NHSL1: variants seen among roughly 807,000 people sequenced by gnomAD.
NHSL1 encodes the protein NHS like 1.
NHSL1 carries 48 observed loss-of-function variants against 95.0 expected under a neutral mutation model. That is an observed-to-expected ratio of 0.51 (90% CI 0.40 to 0.64). The LOEUF (loss-of-function observed/expected upper bound fraction) is 0.64. NHSL1 is among the 30% of genes least tolerant of loss of function. The probability of loss-of-function intolerance (pLI) is 0.00; values close to 1 mark genes in which losing one functional copy is unlikely to be tolerated. For missense variants in NHSL1, 1,971 were observed against 2,077.7 expected (o/e 0.95, Z 1.00); for synonymous variants, 783 against 833.9 (o/e 0.94, Z 1.05).
chr6:138,514,737 G>GGGAGAC (rs1023134132), intron 1 of NHSL1, among the ~76,000 whole-genome samples: 6 of 152,092 alleles, frequency 3.9e-5, no homozygotes, highest in South Asian at 2.1e-4. Flanking sequence ...GGGGAACATA[G>GGGAGAC]GGAGACTCTG....
chr6:138,686,554 T>C (rs1785587001), intron 1 of NHSL1, among the ~76,000 whole-genome samples: 1 of 152,342 alleles, frequency 6.6e-6, no homozygotes, highest in East Asian at 1.9e-4. Flanking sequence ...ATTTATTTTG[T>C]CAAAATAAAT....
At chr6:138,531,846 C>T (rs976633874) in intron 1 of NHSL1, among the ~76,000 whole-genome samples, 1 of 152,082 alleles carries the variant, frequency 6.6e-6, no homozygotes, top group Non-Finnish European at 1.5e-5. Context: ...AGATGATACA[C>T]CAGAATTTTC....
intron 1 of NHSL1, among the ~76,000 whole-genome samples, chr6:138,591,474 T>C (rs1044714939): frequency 6.6e-6 from 1 of 152,146 alleles, no homozygotes; most frequent in Non-Finnish European, 1.5e-5. Flanking sequence ...AGTGCAGTGG[T>C]GTGTTGATCA....
chr6:138,600,448 A>G (rs999491383), intron 1 of NHSL1, among the ~76,000 whole-genome samples: 1 of 152,298 alleles, frequency 6.6e-6, no homozygotes, highest in Non-Finnish European at 1.5e-5. Flanking sequence ...GTTTATCAGC[A>G]CTGTAAAGGG....
chr6:138,515,000 G>A (rs1781400408), intron 1 of NHSL1, among the ~76,000 whole-genome samples: 1 of 151,868 alleles, frequency 6.6e-6, no homozygotes, highest in Non-Finnish European at 1.5e-5. Flanking sequence ...AAAAAAAAGT[G>A]TCTACATGAT....
intron 1 of NHSL1, among the ~76,000 whole-genome samples, chr6:138,633,560 T>C (rs184765951): frequency 2.9e-4 from 44 of 152,324 alleles, no homozygotes; most frequent in African/African-American, 1.1e-3. Flanking sequence ...AAAAAACTTT[T>C]ACCCTAGAAT....
chr6:138,664,270 G>T (rs912241621), intron 1 of NHSL1, among the ~76,000 whole-genome samples: 10 of 152,176 alleles, frequency 6.6e-5, no homozygotes, highest in African/African-American at 2.4e-4. Flanking sequence ...TTAAGAGTTA[G>T]ATCAGAGCTA....
intron 1 of NHSL1, among the ~76,000 whole-genome samples, chr6:138,608,247 C>T (rs768592309): frequency 1.4e-4 from 22 of 152,332 alleles, no homozygotes; most frequent in Middle Eastern, 3.4e-3. Flanking sequence ...CTTTGAATGA[C>T]ATGTTTCTCA....
chr6:138,465,724 C>CTT lies in NHSL1; in HGVS notation c.339+7580_339+7581dup, dbSNP rs61271607. Among the ~76,000 whole-genome samples, 78 of 132,818 alleles carry CTT rather than the reference C, an allele frequency of 5.9e-4. 1 individual carries two copies. Among genetic ancestry groups the CTT allele is most frequent in the African/African-American group, 1.2e-3 (42 of 36,220 alleles). The allele number at this position is 132,818 out of a possible 152,430, so 87.1% of individuals were successfully genotyped here. A position where few individuals can be genotyped will look rare whatever the true frequency, so the allele number is the denominator to read the frequency against. On this transcript the variant is annotated intron_variant, in intron 3 of 7. Coordinates refer to ENST00000343505, the MANE Select transcript of NHSL1 (RefSeq NM_001144060.2). ...TATCTCCTACACTTTTTTTTCTTTT[C>CTT]TTTTTTTTTTTTTTTTTGAGACAGA...
At chr6:138,539,836 A>G (rs978353123) in intron 1 of NHSL1, among the ~76,000 whole-genome samples, 5 of 152,214 alleles carry the variant, frequency 3.3e-5, no homozygotes, top group East Asian at 1.9e-4. Flanking sequence ...CTTTCAGTCC[A>G]TAGGGTAGCA....
At chr6:138,531,456 G>A (rs1296666054) in intron 1 of NHSL1, among the ~76,000 whole-genome samples, 4 of 151,710 alleles carry the variant, frequency 2.6e-5, no homozygotes, top group Non-Finnish European at 4.4e-5. Context: ...GCAGGGTAAC[G>A]CTTTCCATTT....
At chr6:138,611,170 T>A (rs138051670) in intron 1 of NHSL1, among the ~76,000 whole-genome samples, 1 of 152,076 alleles carries the variant, frequency 6.6e-6, no homozygotes, top group African/African-American at 2.4e-5. Context: ...GGGCTTCTAC[T>A]AATAAGAAAA....
intron 1 of NHSL1, among the ~76,000 whole-genome samples, chr6:138,672,674 T>C (rs1785388389): frequency 6.6e-6 from 1 of 152,206 alleles, no homozygotes; most frequent in South Asian, 2.1e-4. Flanking sequence ...TTTCAAATAC[T>C]ACATTATGTC....
intron 1 of NHSL1, chr6:138,545,535 A>C (rs1222957449): frequency 2.7e-5 from 26 of 979,508 alleles, no homozygotes; most frequent in Non-Finnish European, 3.7e-5. Context: ...TTTTACTGGA[A>C]TCAGCTCTGT....
intron 1 of NHSL1, among the ~76,000 whole-genome samples, chr6:138,583,831 C>T (rs886877588): frequency 1.3e-5 from 2 of 152,192 alleles, no homozygotes; most frequent in African/African-American, 4.8e-5. Flanking sequence ...ATAGTCCCCA[C>T]TGCAACAACT....
rs563134632 is a variant in NHSL1 at position 138,606,150 on chromosome 6, A to G, written c.96+86326T>C. Among the ~76,000 whole-genome samples, 11 of 152,278 alleles carry G rather than the reference A, an allele frequency of 7.2e-5. 1 individual carries two copies. In the East Asian group the frequency reaches 1.9e-3, roughly 27 times the overall value. ...TGCTGTGCCTGCCACCCACAGAATG[A>G]CAAGCCACCCACAAATCACAACCCA... On this transcript the variant is annotated intron_variant, in intron 1 of 3. Coordinates refer to the NHSL1 transcript ENST00000491526.
At chr6:138,633,387 C>T (rs148988591) in intron 1 of NHSL1, among the ~76,000 whole-genome samples, 40 of 152,242 alleles carry the variant, frequency 2.6e-4, no homozygotes, top group African/African-American at 9.4e-4. Context: ...AAGACCACCT[C>T]AAGGCAGTTA....
chr6:138,432,947 A>G lies in NHSL1; in HGVS notation c.1398T>C (p.Ser466=), dbSNP rs1423142551. The G allele has an allele frequency of 2.6e-6, 4 of 1,551,382 alleles. No homozygotes were observed. The highest frequency in any genetic ancestry group is 2.6e-6 in the Non-Finnish European group (3 of 1,146,736). ...GGCCCTCATTCCAGTGGCGACCGGGAGACTGAGGATCACCTTTCACAGCAT... is the reference window on the plus strand; with the variant it reads ...GGCCCTCATTCCAGTGGCGACCGGGGGACTGAGGATCACCTTTCACAGCAT... The part of the protein sequence containing the change: ...SRHAVKGDPQ[S]PGRHWNEGHA... The change falls in exon 6 of 8, where the codon TCT becomes TCC. Residue 466 remains serine (S), a synonymous_variant. Coordinates refer to ENST00000343505, the MANE Select transcript of NHSL1 (RefSeq NM_001144060.2). The surrounding 1 kb of genome is among the most constrained non-coding windows in gnomAD (Gnocchi z 4.4).
In NHSL1 at chr6:138,563,253, G is replaced by A. The variant is rs115894657; in HGVS notation, c.202+8457C>T. On this transcript the variant is annotated intron_variant, in intron 1 of 6. Transcript: ENST00000427025. ...AGTTTTAATAATAGTGTCTCGCCAC[G>A]GTAAACATTCACTAAATATTAGCTA... is the stretch of plus-strand genomic sequence containing the variant. 7.7e-3 allele frequency among the ~76,000 whole-genome samples: 1,169 copies of A among 152,180 alleles called. 22 individuals carry two copies. The highest frequency in any genetic ancestry group is 0.027 in the African/African-American group (1,113 of 41,514).
Sources: gnomAD v4.1 joint callset for allele counts (sites outside exome capture counted in the v4.1 genomes callset) on GRCh38, gnomAD v4.1.1 for gene constraint, Gnocchi (gnomAD v3.1) non-coding constraint, MANE v1.5 for transcripts, NCBI Gene and HGNC (gene_info 2026-07-23, HGNC 2026-07-21) for gene names.